Variants in CDH1 observed in about 807,000 individuals in gnomAD.
CDH1 encodes the protein cadherin-1.
In CDH1, 35 loss-of-function variants were observed where a neutral mutation model predicts 84.5. The observed-to-expected ratio is 0.41, with a 90% confidence interval of 0.32 to 0.55. CDH1 has a LOEUF of 0.55. Among genes scored for constraint, CDH1 ranks in the 20% least tolerant of loss-of-function variants. The probability of loss-of-function intolerance (pLI) is 0.19; values close to 1 mark genes in which losing one functional copy is unlikely to be tolerated. For synonymous variants in CDH1, 417 were observed against 439.0 expected (o/e 0.95, Z 0.63); for missense variants, 994 against 1,126.6 (o/e 0.88, Z 1.68).
At chr16:68,767,640 T>C (rs1227532074) in intron 2 of CDH1, among the ~76,000 whole-genome samples, 2 of 152,252 alleles carry the variant, frequency 1.3e-5, no homozygotes, top group Non-Finnish European at 1.5e-5. Context: ...TGGTCTTTTG[T>C]TGTTATTGTT....
At chr16:68,737,839 C>T (rs1330069076) in intron 1 of CDH1, among the ~76,000 whole-genome samples, 1 of 151,950 alleles carries the variant, frequency 6.6e-6, no homozygotes, top group Non-Finnish European at 1.5e-5. Flanking sequence ...GGACGATCTT[C>T]GAGGGAAGGA....
intron 2 of CDH1, among the ~76,000 whole-genome samples, chr16:68,748,953 C>T (rs1962818726): frequency 2.0e-5 from 3 of 152,216 alleles, no homozygotes; most frequent in African/African-American, 7.2e-5. Flanking sequence ...GATTCTCCTG[C>T]CTCACCCTCC....
At chr16:68,787,349 TC>T (rs1178170468) in intron 2 of CDH1, among the ~76,000 whole-genome samples, 1 of 152,170 alleles carries the variant, frequency 6.6e-6, no homozygotes, top group African/African-American at 2.4e-5. Flanking sequence ...CTTAAGCCTT[TC>T]GCCTCAGTTG....
chr16:68,783,226 G>A (rs141297670), intron 2 of CDH1, among the ~76,000 whole-genome samples: 58 of 151,498 alleles, frequency 3.8e-4, no homozygotes, highest in Middle Eastern at 3.4e-3. Flanking sequence ...GCGAAACCCC[G>A]TCTCTACTAA....
At chr16:68,770,049 G>A (rs922152674) in intron 2 of CDH1, among the ~76,000 whole-genome samples, 6 of 150,950 alleles carry the variant, frequency 4.0e-5, no homozygotes, top group Admixed American at 3.3e-4. Flanking sequence ...GTTGTTTTCA[G>A]GTCCAAGTCT....
At chr16:68,762,498 A>C (rs1174498805) in intron 2 of CDH1, among the ~76,000 whole-genome samples, 1 of 152,148 alleles carries the variant, frequency 6.6e-6, no homozygotes, top group Non-Finnish European at 1.5e-5. Context: ...GAGGTGACTT[A>C]TGTCCATCTT....
At chr16:68,783,753 T>C (rs1241141846) in intron 2 of CDH1, among the ~76,000 whole-genome samples, 1 of 152,130 alleles carries the variant, frequency 6.6e-6, no homozygotes, top group African/African-American at 2.4e-5. Flanking sequence ...CTGGACTCAC[T>C]GCAACCCTCA....
chr16:68,822,155 T>C lies in CDH1; in HGVS notation c.1866T>C (p.Asn622=), dbSNP rs786201678. ...TCATTGATGCAGACCTTCCTCCCAATACATCTCCCTTCACAGCAGAACTAA... is the reference window on the plus strand; with the variant it reads ...TCATTGATGCAGACCTTCCTCCCAACACATCTCCCTTCACAGCAGAACTAA... ...INIIDADLPP[N]TSPFTAELTH... Residue 622 remains asparagine (N), a synonymous_variant, in exon 12 of 16, where the codon AAT becomes AAC. Coordinates refer to ENST00000261769, the MANE Select transcript of CDH1 (RefSeq NM_004360.5). The C allele has an allele frequency of 5.6e-6, 9 of 1,614,092 alleles. No individual in the cohort carries two copies. Among genetic ancestry groups the C allele is most frequent in the Non-Finnish European group, 7.6e-6 (9 of 1,180,018 alleles).
chr16:68,805,502 T>C (rs2152128510), intron 3 of CDH1, among the ~76,000 whole-genome samples: 1 of 152,306 alleles, frequency 6.6e-6, no homozygotes, highest in Non-Finnish European at 1.5e-5. Context: ...TTTCCTTTCA[T>C]TGTGATAACT....
At chr16:68,824,632 G>A (rs1475488990) in intron 13 of CDH1, among the ~76,000 whole-genome samples, 1 of 152,124 alleles carries the variant, frequency 6.6e-6, no homozygotes, top group East Asian at 1.9e-4. Flanking sequence ...GAGTGTCAAT[G>A]ACTAAAAGGA....
intron 2 of CDH1, among the ~76,000 whole-genome samples, chr16:68,750,486 CCTGTT>C (rs1962860526): frequency 6.6e-6 from 1 of 151,978 alleles, no homozygotes; most frequent in Non-Finnish European, 1.5e-5. Context: ...AAGGGTTGAA[CCTGTT>C]CCACATGAGC....
rs2152133333 is a variant in CDH1 at position 68,813,333 on chromosome 16, G to T, written c.1158G>T (p.Glu386Asp). The T allele has an allele frequency of 6.2e-7, 1 of 1,614,160 alleles. No homozygotes were observed. Among genetic ancestry groups the T allele is most frequent in the Non-Finnish European group, 8.5e-7 (1 of 1,180,030 alleles). Residue 386 changes from glutamate to aspartate, a missense_variant, in exon 9 of 16, where the codon GAG (glutamate) becomes GAT (aspartate). Glu to Asp is a conservative substitution (Grantham distance 45, BLOSUM62 2). This residue lies in a region of CDH1 where 769 missense variants were observed against 881.8 expected (regional missense o/e 0.87). Transcript: ENST00000261769. ...NPTTYKGQVP[E>D]NEANVVITTL... ...TGCAGTACAAGGGTCAGGTGCCTGAGAACGAGGCTAACGTCGTAATCACCA... is the reference window on the plus strand; with the variant it reads ...TGCAGTACAAGGGTCAGGTGCCTGATAACGAGGCTAACGTCGTAATCACCA...
intron 2 of CDH1, among the ~76,000 whole-genome samples, chr16:68,745,238 T>C (rs553756526): frequency 6.6e-6 from 1 of 151,366 alleles, no homozygotes; most frequent in African/African-American, 2.4e-5. Context: ...TCCCAGTGCT[T>C]TGGGAGGCCA....
intron 13 of CDH1, among the ~76,000 whole-genome samples, chr16:68,827,686 C>T (rs1473194130): frequency 6.6e-6 from 1 of 152,090 alleles, no homozygotes; most frequent in African/African-American, 2.4e-5. Flanking sequence ...TTCAATGGCT[C>T]CAACTCAGAA....
intron 2 of CDH1, among the ~76,000 whole-genome samples, chr16:68,758,278 G>T (rs1963075366): frequency 7.2e-6 from 1 of 138,854 alleles, no homozygotes; most frequent in Non-Finnish European, 1.5e-5. Context: ...ATTCCCTAGG[G>T]CCAGTTTCTT....
chr16:68,743,157 G>A (rs893104802), intron 2 of CDH1, among the ~76,000 whole-genome samples: 2 of 152,100 alleles, frequency 1.3e-5, no homozygotes, highest in Non-Finnish European at 2.9e-5. Context: ...CCTTGTGTCT[G>A]TTACACATTC....
chr16:68,752,038 G>A (rs1271825790), intron 2 of CDH1, among the ~76,000 whole-genome samples: 1 of 148,898 alleles, frequency 6.7e-6, no homozygotes, highest in African/African-American at 2.5e-5. Flanking sequence ...TGCAACCTCC[G>A]CCTCCCGGGT....
chr16:68,752,770 C>A (rs935341970), intron 2 of CDH1, among the ~76,000 whole-genome samples: 9 of 152,130 alleles, frequency 5.9e-5, no homozygotes, highest in African/African-American at 2.2e-4. Flanking sequence ...GTCTAAAGGT[C>A]AGATGAGCCA....
Position 68,819,320 on chromosome 16 carries a change from A to G in CDH1, c.1606A>G (p.Asn536Asp), listed in dbSNP as rs764282860. The change falls in exon 11 of 16, where the codon AAT becomes GAT. Residue 536 changes from asparagine (N) to aspartate (D), a missense_variant. By Grantham distance (23) the Asn-to-Asp change is conservative. Coordinates refer to ENST00000261769, the MANE Select transcript of CDH1 (RefSeq NM_004360.5). ...WRDTANWLEI[N>D]PDTGAISTRA... ...AGACACTGCCAACTGGCTGGAGATT[A>G]ATCCGGACACTGGTGCCATTTCCAC... 1 of 1,614,208 alleles carries G rather than the reference A, an allele frequency of 6.2e-7. No homozygotes were observed. The highest frequency in any genetic ancestry group is 1.1e-5 in the South Asian group (1 of 91,082).
Sources: allele counts gnomAD v4.1 joint callset (sites outside exome capture counted in the v4.1 genomes callset), GRCh38; gene constraint gnomAD v4.1.1; regional missense constraint gnomAD v4.1.1; transcripts MANE v1.5; gene names NCBI Gene and HGNC (gene_info 2026-07-23, HGNC 2026-07-21).